The following ATF2 variants were observed in gnomAD, a reference collection of about 807,000 sequenced individuals.
ATF2 encodes activating transcription factor 2.
In ATF2, 24 loss-of-function variants were observed where a neutral mutation model predicts 60.6. The observed-to-expected ratio is 0.40, with a 90% CI of 0.29 to 0.56. The LOEUF is 0.56. Ranked by LOEUF, ATF2 falls within the 20% of genes least tolerant of loss-of-function variation. The pLI, the probability that ATF2 is intolerant of heterozygous loss-of-function variation, is 0.54. For missense variants in ATF2, 433 were observed against 607.7 expected (o/e 0.71, Z 3.02); for synonymous variants, 206 against 215.4 (o/e 0.96, Z 0.38).
Position 175,156,897 on chromosome 2 carries a change from C to T in ATF2, c.-142-5739G>A, listed in dbSNP as rs72927400. Among the ~76,000 whole-genome samples the T allele has an allele frequency of 4.8e-3, 732 of 152,234 alleles. 5 individuals carry two copies. The highest frequency in any genetic ancestry group is 9.0e-3 in the Non-Finnish European group (611 of 68,016). The stretch of plus-strand genomic sequence containing the variant: ...ATGAGTCAGAAACAGAAAATTAATA[C>T]GGTAAGAAGAGTTGTAAGGTACCAG... On this transcript the variant is annotated intron_variant, in intron 1 of 13. Transcript: ENST00000264110.
At chr2:175,078,494 A>G (rs1028335124) in intron 13 of ATF2, among the ~76,000 whole-genome samples, 7 of 152,152 alleles carry the variant, frequency 4.6e-5, no homozygotes, top group African/African-American at 1.7e-4. Flanking sequence ...TATATTACTT[A>G]ACTGTTGGGG....
At chr2:175,130,071 ATAT>A in intron 4 of ATF2, 64 bp downstream of exon 4, 1 of 1,156,958 alleles carries the variant, frequency 8.6e-7, no homozygotes, top group Non-Finnish European at 1.2e-6. Flanking sequence ...TAGTGATAAC[ATAT>A]TATATCATCA....
intron 11 of ATF2, among the ~76,000 whole-genome samples, chr2:175,096,302 G>A (rs1011295860): frequency 7.2e-5 from 11 of 152,268 alleles, no homozygotes; most frequent in African/African-American, 2.2e-4. Context: ...CTAGAGATAA[G>A]TGAAAGGGGT....
At chr2:175,148,967 C>T (rs1699128807) in intron 2 of ATF2, among the ~76,000 whole-genome samples, 2 of 152,126 alleles carry the variant, frequency 1.3e-5, no homozygotes, top group South Asian at 2.1e-4. Flanking sequence ...AGCCCAACCA[C>T]CTTGGGCACA....
In ATF2 at chr2:175,153,319, C is replaced by T. The variant is rs114868068; in HGVS notation, c.-142-2161G>A. ...TACATAATCATGCATCACTTAACAA[C>T]AGGGATACATTCTTTGAGAAATGTG... On this transcript the variant is annotated intron_variant, in intron 1 of 13. Coordinates refer to ENST00000264110, the MANE Select transcript of ATF2 (RefSeq NM_001880.4). Among the ~76,000 whole-genome samples the T allele has an allele frequency of 1.8e-3, 268 of 152,274 alleles. 1 individual carries two copies. The highest frequency in any genetic ancestry group is 5.7e-3 in the African/African-American group (239 of 41,578).
rs188963347 is a variant in ATF2, at chr2:175,159,834, A to C, written c.-143+8216T>G. 3.9e-5 allele frequency among the ~76,000 whole-genome samples: 6 copies of C among 152,360 alleles called. No homozygotes were observed. In the East Asian group the frequency reaches 1.2e-3, roughly 29 times the overall value. ...AATTATGAATATAAACAACAGTAGCACAAGTTGTGCTAATAACATCACCTT... is the reference window on the plus strand; with the variant it reads ...AATTATGAATATAAACAACAGTAGCCCAAGTTGTGCTAATAACATCACCTT... On this transcript the variant is annotated intron_variant, in intron 1 of 13. Transcript: ENST00000264110.
chr2:175,090,966 A>G (rs974716533), intron 12 of ATF2, among the ~76,000 whole-genome samples: 2 of 152,186 alleles, frequency 1.3e-5, no homozygotes, highest in African/African-American at 4.8e-5. Context: ...ATAAAGGGCT[A>G]ATAGTGGTAA....
intron 2 of ATF2, chr2:175,147,845 C>T (rs977504658): frequency 1.3e-5 from 2 of 151,998 alleles, no homozygotes; most frequent in Non-Finnish European, 2.9e-5. Flanking sequence ...TTCATATTCC[C>T]CTCTTAAAGA....
chr2:175,107,820 C>T lies in ATF2; in HGVS notation c.828+3748G>A, dbSNP rs1040885571. On this transcript the variant is annotated intron_variant, in intron 10 of 13. Transcript: ENST00000264110. ...CTAACCGCGAGTGATCTGCCAGCCT[C>T]GGCCCCCCGAGGTGCCAGGATTGCA... 1.5e-4 allele frequency among the ~76,000 whole-genome samples: 23 copies of T among 152,228 alleles called. 1 individual carries two copies. Among genetic ancestry groups the T allele is most frequent in the Admixed American group, 6.5e-4 (10 of 15,288 alleles).
chr2:175,085,419 C>T (rs960771708), intron 12 of ATF2, among the ~76,000 whole-genome samples: 2 of 152,076 alleles, frequency 1.3e-5, no homozygotes, highest in Admixed American at 1.3e-4. Flanking sequence ...CCTGTAATCC[C>T]AGCGACTTGG....
intron 1 of ATF2, among the ~76,000 whole-genome samples, chr2:175,162,143 C>A (rs1334054095): frequency 6.6e-6 from 1 of 152,116 alleles, no homozygotes; most frequent in Non-Finnish European, 1.5e-5. Flanking sequence ...ATTATTGTTA[C>A]CAGTCTGTCA....
intron 3 of ATF2, among the ~76,000 whole-genome samples, chr2:175,133,175 G>C (rs1222510895): frequency 6.6e-6 from 1 of 151,906 alleles, no homozygotes; most frequent in Non-Finnish European, 1.5e-5. Flanking sequence ...AAATGCAAAA[G>C]ACAATGAATA....
At chr2:175,100,151 A>G (rs1025203846) in intron 10 of ATF2, among the ~76,000 whole-genome samples, 1 of 152,226 alleles carries the variant, frequency 6.6e-6, no homozygotes, top group African/African-American at 2.4e-5. Context: ...ACCTCAAACT[A>G]TCTGTGACTT....
chr2:175,107,786 C>T (rs924903592), intron 10 of ATF2, among the ~76,000 whole-genome samples: 2 of 152,358 alleles, frequency 1.3e-5, no homozygotes, highest in African/African-American at 2.4e-5. Flanking sequence ...CCGGGCTGGT[C>T]TCCAGCTCCT....
intron 3 of ATF2, among the ~76,000 whole-genome samples, chr2:175,134,257 C>T (rs757926718): frequency 6.6e-6 from 1 of 151,926 alleles, no homozygotes; most frequent in African/African-American, 2.4e-5. Flanking sequence ...TTAAAGTATA[C>T]GGGAGGATGT....
intron 10 of ATF2, among the ~76,000 whole-genome samples, chr2:175,104,405 CA>C (rs1406990500): frequency 1.3e-5 from 2 of 151,592 alleles, no homozygotes; most frequent in Admixed American, 6.6e-5. Context: ...CTGAAAACAA[CA>C]AAGTAAAATC....
rs778902330 is a variant in ATF2, at chr2:175,093,255, G to A, written c.991C>T (p.His331Tyr). Residue 331 changes from histidine to tyrosine, a missense_variant, in exon 12 of 14, where the codon CAC becomes TAC. His to Tyr is a moderately conservative substitution (Grantham distance 83, BLOSUM62 2). This residue lies in a region of ATF2 where 246 missense variants were observed against 309.3 expected (regional missense o/e 0.80). Transcript: ENST00000264110. Reference protein sequence around the residue: ...STTETPASPAHTTPQTQSTSG... With the variant: ...STTETPASPAYTTPQTQSTSG... The stretch of plus-strand genomic sequence containing the variant: ...GTACTTTGGGTCTGTGGAGTTGTGT[G>A]AGCTGGAGAAGCCTATTATAAACAG... 22 of 1,613,830 alleles carry A rather than the reference G, an allele frequency of 1.4e-5. No individual in the cohort carries two copies. The East Asian group carries it at 1.6e-4, about 11-fold the overall frequency.
chr2:175,121,198 C>T (rs926851316), intron 5 of ATF2, among the ~76,000 whole-genome samples: 2 of 151,618 alleles, frequency 1.3e-5, no homozygotes, highest in Admixed American at 6.6e-5. Context: ...ATGAATGTTC[C>T]CAGAGTTCTA....
At chr2:175,154,756 T>A (rs1188126489) in intron 1 of ATF2, among the ~76,000 whole-genome samples, 1 of 152,224 alleles carries the variant, frequency 6.6e-6, no homozygotes, top group East Asian at 1.9e-4. Context: ...AATGTTGTTA[T>A]GCAGCAAATG....
Sources: allele counts gnomAD v4.1 joint callset (sites outside exome capture counted in the v4.1 genomes callset), GRCh38; gene constraint gnomAD v4.1.1; regional missense constraint gnomAD v4.1.1; transcripts MANE v1.5; gene names NCBI Gene and HGNC (gene_info 2026-07-23, HGNC 2026-07-21).